Variants in GNG4 observed in about 807,000 individuals in gnomAD.
The protein encoded by GNG4 is G protein subunit gamma 4.
Under a neutral mutation model 5.8 loss-of-function variants are expected in GNG4, and 4 were observed. The observed-to-expected ratio is 0.69, with a 90% CI of 0.34 to 1.57. The LOEUF (loss-of-function observed/expected upper bound fraction) is 1.57, where lower values mean the gene tolerates loss of function less well. Ranked by LOEUF, GNG4 falls within the 40% of genes most tolerant of loss-of-function variation. GNG4 has a pLI of 0.06. For synonymous variants in GNG4, 29 were observed against 32.9 expected, an observed-to-expected ratio of 0.88 and a Z score of 0.41; for missense variants, 96 against 95.1, an observed-to-expected ratio of 1.01 and a Z score of -0.04.
intron 1 of GNG4, among the ~76,000 whole-genome samples, chr1:235,603,196 T>C (rs554848729): frequency 6.6e-6 from 1 of 151,804 alleles, no homozygotes; most frequent in South Asian, 2.1e-4. Flanking sequence ...TGAGCAGAGA[T>C]CGCGCCACTT....
chr1:235,557,661 C>T (rs1037315369), intron 3 of GNG4, among the ~76,000 whole-genome samples: 2 of 152,212 alleles, frequency 1.3e-5, no homozygotes, highest in African/African-American at 4.8e-5. Flanking sequence ...GCCAGTTCGA[C>T]TCTTTTAATT....
chr1:235,568,713 G>A (rs1687263996), intron 3 of GNG4, among the ~76,000 whole-genome samples: 1 of 151,544 alleles, frequency 6.6e-6, no homozygotes, highest in African/African-American at 2.4e-5. Flanking sequence ...GCACTGTAGT[G>A]TAATGATAGT....
chr1:235,610,115 A>T (rs1244480282), intron 1 of GNG4, among the ~76,000 whole-genome samples: 1 of 152,282 alleles, frequency 6.6e-6, no homozygotes, highest in African/African-American at 2.4e-5. Context: ...CACACGCCAC[A>T]TGGAGTTCTT....
chr1:235,560,850 T>A (rs991004567), intron 3 of GNG4, among the ~76,000 whole-genome samples: 1 of 152,232 alleles, frequency 6.6e-6, no homozygotes, highest in Admixed American at 6.5e-5. Flanking sequence ...CTTTCCTCAA[T>A]ATGGCCAGAT....
chr1:235,566,756 G>T (rs1687208152), intron 3 of GNG4: 1 of 152,550 alleles, frequency 6.6e-6, no homozygotes, highest in African/African-American at 2.4e-5. Context: ...GCCTTGACAA[G>T]TGCTATGAAG....
At position 235,647,120 on chromosome 1, in the gene GNG4, T is replaced by C. The variant is rs58016200; in HGVS notation, c.-123+2542A>G. On this transcript the variant is annotated intron_variant, in intron 1 of 3. Coordinates refer to ENST00000391854, the MANE Select transcript of GNG4 (RefSeq NM_001098722.2). ...CTATCCACTGTTGATAGGTTATTTATGTAGTACTTATACCTCTATTAAAGG... is the reference window on the plus strand; with the variant it reads ...CTATCCACTGTTGATAGGTTATTTACGTAGTACTTATACCTCTATTAAAGG... 1.1e-4 allele frequency among the ~76,000 whole-genome samples: 16 copies of C among 152,318 alleles called. No individual in the cohort carries two copies. The East Asian group carries it at 2.7e-3, about 26-fold the overall frequency.
intron 1 of GNG4, among the ~76,000 whole-genome samples, chr1:235,646,648 C>A (rs1657518581): frequency 6.6e-6 from 1 of 152,224 alleles, no homozygotes; most frequent in South Asian, 2.1e-4. Flanking sequence ...TCCTGGGCAC[C>A]CAGGGCTCCT....
At chr1:235,606,837 G>A (rs554542780) in intron 1 of GNG4, among the ~76,000 whole-genome samples, 2 of 152,122 alleles carry the variant, frequency 1.3e-5, no homozygotes, top group South Asian at 4.2e-4. Flanking sequence ...CAGAGCCTTT[G>A]GCCCAAAGCA....
At chr1:235,567,505 T>G (rs1358613557) in intron 3 of GNG4, among the ~76,000 whole-genome samples, 9 of 152,226 alleles carry the variant, frequency 5.9e-5, no homozygotes. Flanking sequence ...ACCATTCTCC[T>G]GTCTGTTTCT....
At chr1:235,596,628 G>A (rs188164464) in intron 1 of GNG4, among the ~76,000 whole-genome samples, 432 of 152,318 alleles carry the variant, frequency 2.8e-3, no homozygotes, top group African/African-American at 9.8e-3. Context: ...ACTATGGTTA[G>A]CCTGTTGATG....
chr1:235,645,069 C>A (rs1192971275), intron 1 of GNG4, among the ~76,000 whole-genome samples: 1 of 152,200 alleles, frequency 6.6e-6, no homozygotes, highest in African/African-American at 2.4e-5. Flanking sequence ...TTGGCTCAGC[C>A]TGCAAAGCCA....
At chr1:235,562,673 GA>G (rs1195775836) in intron 3 of GNG4, among the ~76,000 whole-genome samples, 11,121 of 122,862 alleles carry the variant, frequency 0.091, 592 homozygotes, top group African/African-American at 0.17. Context: ...AAAAAAAAAA[GA>G]AAAAAAAAAA....
chr1:235,612,964 G>T (rs557411597), intron 1 of GNG4, among the ~76,000 whole-genome samples: 32 of 152,304 alleles, frequency 2.1e-4, no homozygotes, highest in African/African-American at 6.7e-4. Flanking sequence ...GTCCTCACAT[G>T]AGGGAAGGGG....
chr1:235,638,663 ACCC>A (rs1181997461), intron 1 of GNG4, among the ~76,000 whole-genome samples: 6 of 146,186 alleles, frequency 4.1e-5, no homozygotes, highest in Non-Finnish European at 6.0e-5. Flanking sequence ...CTTGCCCCTC[ACCC>A]CCCAACAGGG....
Position 235,561,637 on chromosome 1 carries a change from T to G in GNG4, c.100-9400A>C, listed in dbSNP as rs139347547. On this transcript the variant is annotated intron_variant, in intron 3 of 3. Transcript: ENST00000391854. ...TTCAAACTCCTGACCTCAGGTGATC[T>G]GCCTGCCTCAGCCTCCCAACGTGCT... is the stretch of plus-strand genomic sequence containing the variant. 5.8e-3 allele frequency among the ~76,000 whole-genome samples: 872 copies of G among 151,364 alleles called. 11 individuals are homozygous for G. The highest frequency in any genetic ancestry group is 0.02 in the African/African-American group (815 of 41,330).
Position 235,550,194 on chromosome 1 carries a change from G to C in GNG4, c.*1915C>G, listed in dbSNP as rs192137176. On this transcript the variant is annotated 3_prime_UTR_variant, in exon 4 of 4. Transcript: ENST00000391854. ...TAGACAATCCAAGAGCTAATTCATC[G>C]ATGTCTAGCCTTTCCTTGGGGCATC... 5 of 152,340 alleles carry C rather than the reference G, an allele frequency of 3.3e-5. No homozygotes were observed. The East Asian group carries it at 9.6e-4, about 29-fold the overall frequency. The allele number at this position is 152,340 out of a possible 1,614,324, so 9.4% of individuals were successfully genotyped here.
intron 1 of GNG4, among the ~76,000 whole-genome samples, chr1:235,631,810 C>T (rs887737400): frequency 1.3e-5 from 2 of 152,250 alleles, no homozygotes; most frequent in Non-Finnish European, 2.9e-5. Context: ...TCAGGTGATC[C>T]ACCTGCCTTG....
chr1:235,628,999 T>C (rs1477218647), intron 1 of GNG4, among the ~76,000 whole-genome samples: 1 of 151,772 alleles, frequency 6.6e-6, no homozygotes, highest in Non-Finnish European at 1.5e-5. Flanking sequence ...TTGAATTTTT[T>C]TTTTTTTTTT....
At chr1:235,612,720 G>A (rs547327210) in intron 1 of GNG4, among the ~76,000 whole-genome samples, 105 of 152,154 alleles carry the variant, frequency 6.9e-4, no homozygotes, top group Admixed American at 1.4e-3. Context: ...ATGGGGTTTC[G>A]CTATGTTACC....
Sources: allele counts gnomAD v4.1 joint callset (sites outside exome capture counted in the v4.1 genomes callset), GRCh38; gene constraint gnomAD v4.1.1; transcripts MANE v1.5; gene names NCBI Gene and HGNC (gene_info 2026-07-23, HGNC 2026-07-21).